KDM4B: variants seen among roughly 807,000 people sequenced by gnomAD.
KDM4B encodes the protein lysine demethylase 4B, also known as lysine-specific demethylase 4B.
Under a neutral mutation model 125.2 loss-of-function variants are expected in KDM4B, and 32 were observed. The observed-to-expected ratio is 0.26, with a 90% CI of 0.19 to 0.34. KDM4B has a LOEUF of 0.34. Ranked by LOEUF, KDM4B falls within the 10% of genes least tolerant of loss-of-function variation. The pLI is 1.00. For synonymous variants in KDM4B, 721 were observed against 677.9 expected, an observed-to-expected ratio of 1.06 and a Z score of -0.99; for missense variants, 1,190 against 1,577.7, an observed-to-expected ratio of 0.75 and a Z score of 4.16.
chr19:5,032,725 C>T (rs1399947421), intron 2 of KDM4B, 141 bp from the exon 3 acceptor site: 17 of 687,898 alleles, frequency 2.5e-5, no homozygotes, highest in Non-Finnish European at 4.1e-5. Context: ...CTTCTGCCCT[C>T]ACTCAGCCGC....
intron 1 of KDM4B, among the ~76,000 whole-genome samples, chr19:4,992,333 C>T (rs1041472627): frequency 6.6e-6 from 1 of 152,126 alleles, no homozygotes; most frequent in African/African-American, 2.4e-5. Context: ...GTGTGCTCTT[C>T]TTTTTCCAGT....
In KDM4B at chr19:5,123,303, C is replaced by T. The variant is rs533404315; in HGVS notation, c.1315+3451C>T. Among the ~76,000 whole-genome samples, 4 of 152,362 alleles carry T rather than the reference C, an allele frequency of 2.6e-5. No individual in the cohort carries two copies. In the East Asian group the frequency reaches 5.8e-4, roughly 22 times the overall value. ...CACACCTGTGGAAGCGGGAAGGTCA[C>T]GGTCCAGGTGTCAGCCGGGCTGGCC... is the stretch of plus-strand genomic sequence containing the variant. On this transcript the variant is annotated intron_variant, in intron 11 of 22. Transcript: ENST00000159111.
chr19:4,992,747 G>T (rs1474392320), intron 1 of KDM4B, among the ~76,000 whole-genome samples: 1 of 152,106 alleles, frequency 6.6e-6, no homozygotes, highest in Non-Finnish European at 1.5e-5. Context: ...CACTGTGTCT[G>T]GCCATCCTAT....
In KDM4B at chr19:5,054,596, C is replaced by G. The variant is rs568971152; in HGVS notation, c.626+6927C>G. Among the ~76,000 whole-genome samples the G allele has an allele frequency of 6.6e-5, 10 of 152,328 alleles. No homozygotes were observed. In the East Asian group the frequency reaches 1.9e-3, roughly 29 times the overall value. On this transcript the variant is annotated intron_variant, in intron 6 of 22. Transcript: ENST00000159111. ...GGAGTCTGGCCCCCTGGGACTCTGC[C>G]CAGAAGACGAGACCTGGGAGTCTGC...
chr19:5,013,379 C>T (rs184666991), intron 1 of KDM4B, among the ~76,000 whole-genome samples: 65 of 152,286 alleles, frequency 4.3e-4, no homozygotes, highest in African/African-American at 1.3e-3. Context: ...CCCTTGTCTC[C>T]GCTGAAGTCA....
rs761143928 is a variant in KDM4B at position 5,114,336 on chromosome 19, C to T, written c.1115+3518C>T. On this transcript the variant is annotated intron_variant, in intron 10 of 22. Transcript: ENST00000159111. This position sits in a 1 kb window ranked among gnomAD's most constrained non-coding sequence, Gnocchi z 5.8. ...CTCGTCTCCCCTACCCCTCCGAGCTCGGTGCTGCCTGTCCCCTCCTGCTCT... is the reference window on the plus strand; with the variant it reads ...CTCGTCTCCCCTACCCCTCCGAGCTTGGTGCTGCCTGTCCCCTCCTGCTCT... The T allele has an allele frequency of 6.0e-6, 5 of 839,556 alleles. No individual in the cohort carries two copies. Among genetic ancestry groups the T allele is most frequent in the East Asian group, 6.3e-5 (1 of 15,932 alleles). The allele number at this position is 839,556 out of a possible 1,614,324, so 52.0% of individuals were successfully genotyped here.
intron 1 of KDM4B, among the ~76,000 whole-genome samples, chr19:5,002,455 C>A (rs1021046107): frequency 6.2e-5 from 9 of 146,316 alleles, no homozygotes; most frequent in African/African-American, 2.3e-4. Context: ...CTTTCTCTCT[C>A]CTTTCCTTTC....
intron 4 of KDM4B, 60 bp from the exon 5 acceptor site, chr19:5,041,077 G>A: frequency 8.7e-7 from 1 of 1,144,416 alleles, no homozygotes; most frequent in East Asian, 2.5e-5. Context: ...GGTGGCTGAG[G>A]GTGGGCTGCG....
intron 1 of KDM4B, among the ~76,000 whole-genome samples, chr19:4,979,884 C>G (rs777437163): frequency 6.6e-6 from 1 of 152,206 alleles, no homozygotes; most frequent in African/African-American, 2.4e-5. Context: ...GGGCAGATCA[C>G]TTGAGGTCAG....
chr19:5,008,585 CTTTTTCT>C (rs1469193827), intron 1 of KDM4B, among the ~76,000 whole-genome samples: 1 of 147,806 alleles, frequency 6.8e-6, no homozygotes, highest in African/African-American at 2.5e-5. Context: ...TCTTCTTTTT[CTTTTTCT>C]TTTTTTTTTT....
At chr19:5,021,511 TG>T (rs1349407137) in intron 2 of KDM4B, among the ~76,000 whole-genome samples, 4 of 152,064 alleles carry the variant, frequency 2.6e-5, no homozygotes, top group Non-Finnish European at 5.9e-5. Context: ...AGTTCCAGGC[TG>T]CAGTGAGCTG....
At position 5,039,870 on chromosome 19, in the gene KDM4B, C is replaced by T. The variant is rs768027092; in HGVS notation, c.176C>T (p.Thr59Met). 1.4e-5 allele frequency: 23 copies of T among 1,612,922 alleles called. No individual in the cohort carries two copies. The highest frequency in any genetic ancestry group is 6.6e-5 in the South Asian group (6 of 91,080). The change falls in exon 4 of 23, where the codon ACG (threonine) becomes ATG (methionine). Residue 59 changes from threonine (T) to methionine (M), a missense_variant. Physicochemically the swap from Thr to Met is moderately conservative, Grantham distance 81 (BLOSUM62 -1). Transcript: ENST00000159111. ...CCGAAGGAGTGGAAGCCGCGGCAGA[C>T]GTATGATGACATCGACGACGTGGTG... ...IPPKEWKPRQTYDDIDDVVIP... is the reference protein window; with the variant it reads ...IPPKEWKPRQMYDDIDDVVIP...
chr19:4,997,899 T>C lies in KDM4B; in HGVS notation c.-108-18358T>C, dbSNP rs2035254341. Among the ~76,000 whole-genome samples, 1 of 152,244 alleles carries C rather than the reference T, an allele frequency of 6.6e-6. No homozygotes were observed. Among genetic ancestry groups the C allele is most frequent in the Admixed American group, 6.5e-5 (1 of 15,280 alleles). On this transcript the variant is annotated intron_variant, in intron 1 of 22. Transcript: ENST00000159111. The surrounding 1 kb of genome is among the most constrained non-coding windows in gnomAD (Gnocchi z 4.2). ...ACGTGCCACTCTGCACTGCTGTCCCTCTCCACCCAGGCCTTGGGGCTCCCA... is the reference window on the plus strand; with the variant it reads ...ACGTGCCACTCTGCACTGCTGTCCCCCTCCACCCAGGCCTTGGGGCTCCCA...
chr19:5,141,342 G>A lies in KDM4B; in HGVS notation c.2551-2625G>A, dbSNP rs911768501. 3.3e-5 allele frequency: 5 copies of A among 152,210 alleles called. No individual in the cohort carries two copies. The highest frequency in any genetic ancestry group is 1.9e-4 in the East Asian group (1 of 5,196). The allele number at this position is 152,210 out of a possible 1,614,324, so 9.4% of individuals were successfully genotyped here. On this transcript the variant is annotated intron_variant, in intron 18 of 22. Coordinates refer to ENST00000159111, the MANE Select transcript of KDM4B (RefSeq NM_015015.3). This position sits in a 1 kb window ranked among gnomAD's most constrained non-coding sequence, Gnocchi z 6.4. ...GGCACCAGTGACTCAGTCCACAAAC[G>A]TGGGCGTAAAAGGCCTCATGATTCA...
chr19:5,127,038 A>C (rs1173266734), intron 11 of KDM4B, among the ~76,000 whole-genome samples: 1 of 152,102 alleles, frequency 6.6e-6, no homozygotes, highest in Non-Finnish European at 1.5e-5. Flanking sequence ...GCTGGGGAGG[A>C]GTGGCCTCGC....
chr19:5,008,906 CTTTTTTTTTTT>C (rs200928850), intron 1 of KDM4B, among the ~76,000 whole-genome samples: 1 of 104,466 alleles, frequency 9.6e-6, no homozygotes, highest in African/African-American at 4.7e-5. Context: ...TGGCCCCTGC[CTTTTTTTTTTT>C]TTTTTTTTTT....
chr19:5,086,496 G>A (rs995120181), intron 9 of KDM4B, among the ~76,000 whole-genome samples: 2 of 152,256 alleles, frequency 1.3e-5, no homozygotes, highest in Admixed American at 1.3e-4. Context: ...ACTCTGGCAT[G>A]GAGGTGGCGT....
rs1304419775 is a variant in KDM4B, at chr19:5,115,672, G to T, written c.1116-3981G>T. Among the ~76,000 whole-genome samples the T allele has an allele frequency of 6.6e-6, 1 of 152,150 alleles. No homozygotes were observed. The highest frequency in any genetic ancestry group is 1.5e-5 in the Non-Finnish European group (1 of 68,050). ...AGAAGGGCAGAGCTCCGAGGAAAGA[G>T]GATGCAGTGAGTGCAGGGCCCTGGA... On this transcript the variant is annotated intron_variant, in intron 10 of 22. Transcript: ENST00000159111. This position sits in a 1 kb window ranked among gnomAD's most constrained non-coding sequence, Gnocchi z 4.2.
chr19:4,981,610 C>G (rs2034645111), intron 1 of KDM4B, among the ~76,000 whole-genome samples: 1 of 152,130 alleles, frequency 6.6e-6, no homozygotes, highest in Non-Finnish European at 1.5e-5. Context: ...TGGGAGCCCC[C>G]CCCACCACGC....
Sources: allele counts gnomAD v4.1 joint callset (sites outside exome capture counted in the v4.1 genomes callset), GRCh38; gene constraint gnomAD v4.1.1; non-coding constraint Gnocchi (gnomAD v3.1); transcripts MANE v1.5; gene names NCBI Gene and HGNC (gene_info 2026-07-23, HGNC 2026-07-21).